Variants in ZNF213 observed in about 807,000 individuals in gnomAD.
ZNF213 encodes the protein zinc finger protein 213.
A neutral mutation model predicts 46.0 loss-of-function variants in ZNF213; 32 were observed. The observed-to-expected ratio is 0.70, with a 90% confidence interval of 0.52 to 0.93. The LOEUF (loss-of-function observed/expected upper bound fraction) is 0.93. Among genes scored for constraint, ZNF213 ranks in the 40% least tolerant of loss-of-function variants. The pLI is 0.00. For missense variants in ZNF213, 639 were observed against 652.8 expected (o/e 0.98, Z 0.23); for synonymous variants, 297 against 271.0 (o/e 1.10, Z -0.94).
rs1957566421 is a variant in ZNF213, at chr16:3,138,470, C to A, written c.452C>A (p.Ala151Asp). The A allele has an allele frequency of 2.5e-6, 4 of 1,613,410 alleles. No homozygotes were observed. Among genetic ancestry groups the A allele is most frequent in the Non-Finnish European group, 3.4e-6 (4 of 1,179,728 alleles). Reference sequence around the variant, plus strand: ...GAGGCTGCAGGCCGGGGATCCCAGGCCACGGGGCCTCCCCCGACGGTGGGG... The same window carrying A: ...GAGGCTGCAGGCCGGGGATCCCAGGACACGGGGCCTCCCCCGACGGTGGGG... ...EPEAAGRGSQ[A>D]TGPPPTVGAR... The change falls in exon 3 of 6, where the codon GCC becomes GAC. Residue 151 changes from alanine (A) to aspartate (D), a missense_variant. Ala to Asp is a moderately radical substitution (Grantham distance 126, BLOSUM62 -2). Coordinates refer to ENST00000396878, the MANE Select transcript of ZNF213 (RefSeq NM_004220.3).
chr16:3,138,703 AGCCTGG>A, intron 3 of ZNF213, 36 bp from the exon 4 acceptor site: 2 of 1,613,320 alleles, frequency 1.2e-6, no homozygotes, highest in Non-Finnish European at 1.7e-6. Flanking sequence ...GTCGGTGTCA[AGCCTGG>A]GCTGGCCTTT....
intron 1 of ZNF213, among the ~76,000 whole-genome samples, chr16:3,135,838 CTTTCT>C (rs1393054179): frequency 7.3e-6 from 1 of 136,072 alleles, no homozygotes; most frequent in African/African-American, 2.8e-5. Context: ...CTTTTCTTTT[CTTTCT>C]TTTTTTTTTT....
At position 3,138,494 on chromosome 16, in the gene ZNF213, G is replaced by A. The variant is rs1957566932; in HGVS notation, c.476G>A (p.Gly159Glu). Residue 159 changes from glycine to glutamate, a missense_variant, in exon 3 of 6, where the codon GGG becomes GAG. Transcript: ENST00000396878. ...GCCACGGGGCCTCCCCCGACGGTGG[G>A]GGCACGGAGGCGGCCGTCTGTTCCC... is the stretch of plus-strand genomic sequence containing the variant. ...SQATGPPPTV[G>E]ARRRPSVPQE... 6.2e-7 allele frequency: 1 copy of A among 1,613,624 alleles called. No homozygotes were observed. The highest frequency in any genetic ancestry group is 1.1e-5 in the South Asian group (1 of 91,068).
intron 3 of ZNF213, 29 bp from the exon 4 acceptor site, chr16:3,138,716 C>T (rs1957570018): frequency 1.9e-6 from 3 of 1,613,758 alleles, no homozygotes; most frequent in Non-Finnish European, 2.5e-6. Context: ...CTGGGCTGGC[C>T]TTTCTAAGGC....
intron 1 of ZNF213, 51 bp from the exon 2 acceptor site, chr16:3,137,115 G>C: frequency 2.3e-6 from 2 of 883,044 alleles, no homozygotes; most frequent in South Asian, 3.6e-5. Flanking sequence ...GGGTTTGCTC[G>C]TGTATTCCAC....
intron 5 of ZNF213, 28 bp from the exon 6 acceptor site, chr16:3,140,661 T>C (rs1957592454): frequency 1.3e-6 from 2 of 1,492,428 alleles, no homozygotes; most frequent in African/African-American, 1.5e-5. Context: ...CGCGTGGGAC[T>C]GAAGAGGTCG....
rs561342437 is a variant in ZNF213, at chr16:3,138,445, G to A, written c.427G>A (p.Glu143Lys). ...TGTGCCCTCGGAGGAGGCGGAACCCGAGGCTGCAGGCCGGGGATCCCAGGC... is the reference window on the plus strand; with the variant it reads ...TGTGCCCTCGGAGGAGGCGGAACCCAAGGCTGCAGGCCGGGGATCCCAGGC... ...QDVPSEEAEP[E>K]AAGRGSQATG... The change falls in exon 3 of 6, where the codon GAG becomes AAG. Residue 143 changes from glutamate to lysine, a missense_variant. By Grantham distance (56) the Glu-to-Lys change is moderately conservative (BLOSUM62 1). Coordinates refer to ENST00000396878, the MANE Select transcript of ZNF213 (RefSeq NM_004220.3). 10 of 1,613,202 alleles carry A rather than the reference G, an allele frequency of 6.2e-6. No individual in the cohort carries two copies. The highest frequency in any genetic ancestry group is 1.7e-5 in the Admixed American group (1 of 59,820).
Position 3,140,775 on chromosome 16 carries a change from G to A in ZNF213, c.808G>A (p.Val270Met), listed in dbSNP as rs200901235. 117 of 1,586,256 alleles carry A rather than the reference G, an allele frequency of 7.4e-5. No individual in the cohort carries two copies. The South Asian group carries it at 1.2e-3, about 17-fold the overall frequency. ...VPGQTGSDVT[V>M]SWSPEEAEAW... ...AGGCCAGACAGGCAGCGACGTGACT[G>A]TGTCCTGGAGCCCCGAGGAGGCTGA... The change falls in exon 6 of 6, where the codon GTG becomes ATG. Residue 270 changes from valine to methionine, a missense_variant. By Grantham distance (21) the Val-to-Met change is conservative. Transcript: ENST00000396878.
intron 2 of ZNF213, chr16:3,138,049 G>A (rs533623111): frequency 3.5e-5 from 16 of 455,366 alleles, no homozygotes; most frequent in Non-Finnish European, 5.9e-5. Context: ...GGAGCTGTCC[G>A]GGGCCTCTGC....
Position 3,138,415 on chromosome 16 carries a change from C to T in ZNF213, c.400-3C>T, listed in dbSNP as rs1957565434. The T allele has an allele frequency of 6.2e-7, 1 of 1,613,500 alleles. No individual in the cohort carries two copies. Among genetic ancestry groups the T allele is most frequent in the Non-Finnish European group, 8.5e-7 (1 of 1,179,732 alleles). ...TGATGAGCATGTTGTGGTTCCTGCA[C>T]AGGATGTGCCCTCGGAGGAGGCGGA... On this transcript the variant is annotated splice_region_variant and splice_polypyrimidine_tract_variant and intron_variant, in intron 2 of 5. Coordinates refer to ENST00000396878, the MANE Select transcript of ZNF213 (RefSeq NM_004220.3).
Position 3,141,106 on chromosome 16 carries a change from A to G in ZNF213, c.1139A>G (p.Lys380Arg), listed in dbSNP as rs1339996024. The G allele has an allele frequency of 6.2e-6, 10 of 1,612,848 alleles. No homozygotes were observed. In the African/African-American group the frequency reaches 1.1e-4, roughly 17 times the overall value. Residue 380 changes from lysine (K) to arginine (R), a missense_variant, in exon 6 of 6, where the codon AAG becomes AGG. Lys to Arg is a conservative substitution (Grantham distance 26). Coordinates refer to ENST00000396878, the MANE Select transcript of ZNF213 (RefSeq NM_004220.3). ...CCCTTCTCCTGTTCCGAGTGCGGCA[A>G]GAGCTTCAGCCGCAGCGCCTACCTG... ...EKPFSCSECG[K>R]SFSRSAYLAD...
At position 3,141,047 on chromosome 16, in the gene ZNF213, G is replaced by C. The variant is rs1957597309; in HGVS notation, c.1080G>C (p.Leu360=). 1 of 1,613,046 alleles carries C rather than the reference G, an allele frequency of 6.2e-7. No homozygotes were observed. The highest frequency in any genetic ancestry group is 8.5e-7 in the Non-Finnish European group (1 of 1,179,812). ...CDKSFRSSSD[L]VRHQGVHTGE... is the part of the protein sequence containing the mutation. ...AGAGCTTCCGCAGCTCCTCGGACCT[G>C]GTGCGCCACCAAGGCGTGCACACGG... Residue 360 remains leucine (L), a synonymous_variant, in exon 6 of 6, where the codon CTG becomes CTC. Coordinates refer to ENST00000396878, the MANE Select transcript of ZNF213 (RefSeq NM_004220.3).
intron 2 of ZNF213, chr16:3,138,116 G>A (rs948171357): frequency 2.2e-5 from 11 of 500,154 alleles, no homozygotes; most frequent in Middle Eastern, 5.4e-4. Flanking sequence ...GTTCTAATGA[G>A]TGGCTGGGGG....
At chr16:3,135,767 A>G (rs1301473796) in intron 1 of ZNF213, among the ~76,000 whole-genome samples, 1 of 150,454 alleles carries the variant, frequency 6.6e-6, no homozygotes, top group African/African-American at 2.4e-5. Context: ...ACAGATTTCT[A>G]TATTGTTTGA....
chr16:3,136,668 G>A (rs1957541168), intron 1 of ZNF213, among the ~76,000 whole-genome samples: 1 of 150,520 alleles, frequency 6.6e-6, no homozygotes, highest in Admixed American at 6.6e-5. Context: ...AGTGAACTGA[G>A]ATTGCGCCAC....
rs75714412 is a variant in ZNF213 at position 3,142,483 on chromosome 16, T to A, written c.*1136T>A. 1,074 of 193,000 alleles carry A rather than the reference T, an allele frequency of 5.6e-3. 24 individuals carry two copies. The highest frequency in any genetic ancestry group is 0.039 in the East Asian group (203 of 5,270). 12.0% of individuals were successfully genotyped at this position (193,000 alleles called of 1,614,324 possible). A position where few individuals can be genotyped will look rare whatever the true frequency, so the allele number is the denominator to read the frequency against. ...CCATCGGCACTACCACCCCGCTCCA[T>A]CATCACTATGTCCAGCTCCGTCGGC... On this transcript the variant is annotated 3_prime_UTR_variant, in exon 6 of 6. Transcript: ENST00000396878.
At chr16:3,138,326 A>C (rs759724495) in intron 2 of ZNF213, 92 bp from the exon 3 acceptor site, 1 of 1,563,554 alleles carries the variant, frequency 6.4e-7, no homozygotes, top group South Asian at 1.2e-5. Flanking sequence ...CAGCATCCTG[A>C]GGGTCATGTC....
chr16:3,138,534 C>T lies in ZNF213; in HGVS notation c.516C>T (p.Ser172=). 1 of 1,614,094 alleles carries T rather than the reference C, an allele frequency of 6.2e-7. No homozygotes were observed. Among genetic ancestry groups the T allele is most frequent in the Non-Finnish European group, 8.5e-7 (1 of 1,180,008 alleles). ...CGTCTGTTCCCCAGGAGCAGCACAG[C>T]CATAGCGGTGAGTAAGCCTCCGTTC... is the stretch of plus-strand genomic sequence containing the variant. ...RRPSVPQEQH[S]HSAQPPALLK... The change falls in exon 3 of 6, where the codon AGC becomes AGT. Residue 172 remains serine, a synonymous_variant. Coordinates refer to ENST00000396878, the MANE Select transcript of ZNF213 (RefSeq NM_004220.3).
intron 3 of ZNF213, 21 bp downstream of exon 3, chr16:3,138,562 G>A (rs1957567967): frequency 1.2e-6 from 2 of 1,613,870 alleles, no homozygotes; most frequent in South Asian, 1.1e-5. Context: ...CTCCGTTCTT[G>A]TGGACAGTCG....
Sources: gnomAD v4.1 joint callset for allele counts (sites outside exome capture counted in the v4.1 genomes callset) on GRCh38, gnomAD v4.1.1 for gene constraint, MANE v1.5 for transcripts, NCBI Gene and HGNC (gene_info 2026-07-23, HGNC 2026-07-21) for gene names.